The following SANBR variants were observed in gnomAD, a reference collection of about 807,000 sequenced individuals.
SANBR encodes the protein SANT and BTB domain regulator of class switch recombination.
In SANBR, 77 loss-of-function variants were observed where a neutral mutation model predicts 101.8. That is an observed-to-expected ratio of 0.76 (90% CI 0.63 to 0.91). The LOEUF is 0.91. Among genes scored for constraint, SANBR ranks in the 40% least tolerant of loss-of-function variants. The probability of loss-of-function intolerance (pLI) is 0.00; values close to 1 mark genes in which losing one functional copy is unlikely to be tolerated. For synonymous variants in SANBR, 279 were observed against 274.7 expected, an observed-to-expected ratio of 1.02 and a Z score of -0.15; for missense variants, 875 against 853.0, an observed-to-expected ratio of 1.03 and a Z score of -0.32.
At chr2:61,102,699 G>A (rs534659067) in intron 12 of SANBR, among the ~76,000 whole-genome samples, 1 of 151,934 alleles carries the variant, frequency 6.6e-6, no homozygotes, top group East Asian at 1.9e-4. Flanking sequence ...ACCATGCCTG[G>A]CTAAATTTTT....
intron 5 of SANBR, 62 bp from the exon 6 acceptor site, chr2:61,076,858 G>C: frequency 8.6e-7 from 1 of 1,159,618 alleles, no homozygotes; most frequent in Non-Finnish European, 1.3e-6. Flanking sequence ...CTAAATGTCA[G>C]TATTCTTGAC....
In SANBR at chr2:61,122,111, G is replaced by C; in HGVS notation, c.2121-15G>C. The C allele has an allele frequency of 5.2e-6, 8 of 1,549,696 alleles. No individual in the cohort carries two copies. Among genetic ancestry groups the C allele is most frequent in the Non-Finnish European group, 7.0e-6 (8 of 1,145,830 alleles). ...AGAAGCAATTCTGACCTCCTTTTCT[G>C]TTTAAAAAATCTAGGTCTAAAAGTC... On this transcript the variant is annotated splice_polypyrimidine_tract_variant and intron_variant, in intron 21 of 21. Coordinates refer to ENST00000402291, the MANE Select transcript of SANBR (RefSeq NM_001129993.3).
rs556699641 is a variant in SANBR at position 61,086,362 on chromosome 2, T to C, written c.891-1797T>C. On this transcript the variant is annotated intron_variant, in intron 8 of 21. Coordinates refer to ENST00000402291, the MANE Select transcript of SANBR (RefSeq NM_001129993.3). ...AAATTAAATTTATTCCTAAAATAAA[T>C]TAAATAAATAAATTTATTTAATAAA... Among the ~76,000 whole-genome samples, 127 of 151,786 alleles carry C rather than the reference T, an allele frequency of 8.4e-4. No homozygotes were observed. In the South Asian group the frequency reaches 0.016, roughly 19 times the overall value.
chr2:61,136,130 C>T (rs1187960373), intron 21 of SANBR, among the ~76,000 whole-genome samples: 1 of 151,690 alleles, frequency 6.6e-6, no homozygotes, highest in Admixed American at 6.6e-5. Flanking sequence ...CATGGTGAAA[C>T]CTGTCTCTAC....
At chr2:61,127,864 A>C (rs1331224539), downstream of SANBR, among the ~76,000 whole-genome samples, 1 of 152,218 alleles carries the variant, frequency 6.6e-6, no homozygotes, top group African/African-American at 2.4e-5. Context: ...AAAACTTTAT[A>C]CATCCAAGAA....
At chr2:61,115,344 ATATT>A (rs763394131) in intron 16 of SANBR, among the ~76,000 whole-genome samples, 3 of 97,766 alleles carry the variant, frequency 3.1e-5, no homozygotes, top group Non-Finnish European at 6.3e-5. Context: ...ATATATATAT[ATATT>A]TTTTTTTTGA....
intron 2 of SANBR, chr2:61,069,789 C>T (rs1370626436): frequency 6.6e-6 from 1 of 152,312 alleles, no homozygotes; most frequent in East Asian, 1.9e-4. Context: ...GATATCATAA[C>T]CCTCTCCCCA....
chr2:61,091,630 C>T (rs1682766200), intron 10 of SANBR, among the ~76,000 whole-genome samples: 1 of 478 alleles, frequency 2.1e-3, no homozygotes, highest in Non-Finnish European at 3.1e-3. Context: ...TGTGATGACA[C>T]ATAACCTGTA....
downstream of SANBR, among the ~76,000 whole-genome samples, chr2:61,126,282 C>A (rs929255617): frequency 4.6e-5 from 7 of 152,170 alleles, no homozygotes; most frequent in South Asian, 1.5e-3. Context: ...ATCAGCAAGT[C>A]CCATACGTAC....
chr2:61,134,179 A>G, exon 21 of SANBR: 1 of 1,613,318 alleles, frequency 6.2e-7, no homozygotes, highest in Middle Eastern at 1.6e-4. Context: ...GTCTAAGAGC[A>G]ACAGAAAAAG....
intron 20 of SANBR, among the ~76,000 whole-genome samples, chr2:61,130,657 T>C (rs1684659681): frequency 6.6e-6 from 1 of 151,590 alleles, no homozygotes; most frequent in Non-Finnish European, 1.5e-5. Flanking sequence ...TTTTTTTAAG[T>C]TTCACAATCA....
intron 16 of SANBR, among the ~76,000 whole-genome samples, chr2:61,110,061 CAA>C (rs1314946265): frequency 1.4e-4 from 21 of 152,066 alleles, no homozygotes; most frequent in African/African-American, 5.1e-4. Context: ...TTTGAAGACT[CAA>C]GTATTTATAG....
intron 12 of SANBR, among the ~76,000 whole-genome samples, chr2:61,101,003 G>A (rs923009595): frequency 2.0e-5 from 3 of 152,162 alleles, no homozygotes; most frequent in African/African-American, 4.8e-5. Context: ...GGATATTGGC[G>A]TGAATGTTAC....
intron 4 of SANBR, among the ~76,000 whole-genome samples, chr2:61,072,035 T>C (rs1286419565): frequency 6.6e-6 from 1 of 152,058 alleles, no homozygotes; most frequent in Non-Finnish European, 1.5e-5. Flanking sequence ...TCTCCCAGGC[T>C]CAAGAGATCC....
intron 9 of SANBR, 33 bp from the exon 10 acceptor site, chr2:61,088,325 C>A (rs183274866): frequency 1.3e-6 from 2 of 1,568,142 alleles, no homozygotes; most frequent in Non-Finnish European, 1.7e-6. Context: ...CATTCTTCTT[C>A]CTGGATGTTT....
At position 61,116,052 on chromosome 2, in the gene SANBR, A is replaced by G. The variant is rs774072416; in HGVS notation, c.1818A>G (p.Lys606=). 1.9e-6 allele frequency: 3 copies of G among 1,608,716 alleles called. No homozygotes were observed. The highest frequency in any genetic ancestry group is 2.5e-6 in the Non-Finnish European group (3 of 1,177,980). Residue 606 remains lysine, a synonymous_variant, in exon 17 of 22, where the codon AAA becomes AAG. Coordinates refer to ENST00000402291, the MANE Select transcript of SANBR (RefSeq NM_001129993.3). ...TATCTTCACCCTGTGCCCAGAGGAAAGAAAAGGCATTGGAGAAGGTAACTC... is the reference window on the plus strand; with the variant it reads ...TATCTTCACCCTGTGCCCAGAGGAAGGAAAAGGCATTGGAGAAGGTAACTC... ...KQVSSPCAQR[K]EKALEKSASR... is the part of the protein sequence containing the mutation.
Position 61,109,202 on chromosome 2 carries a change from A to T in SANBR, c.1650A>T (p.Gln550His). The T allele has an allele frequency of 6.8e-7, 1 of 1,470,658 alleles. No homozygotes were observed. Among genetic ancestry groups the T allele is most frequent in the Admixed American group, 2.2e-5 (1 of 46,304 alleles). The allele number at this position is 1,470,658 out of a possible 1,614,324, so 91.1% of individuals were successfully genotyped here. Residue 550 changes from glutamine to histidine, a missense_variant, in exon 16 of 22, where the codon CAA (glutamine) becomes CAT (histidine). Physicochemically the swap from Gln to His is conservative, Grantham distance 24. Coordinates refer to ENST00000402291, the MANE Select transcript of SANBR (RefSeq NM_001129993.3). Reference protein sequence around the residue: ...SLKNWTLQLKQQSLFSEEEEY... With the variant: ...SLKNWTLQLKHQSLFSEEEEY... ...TAGATTTTTTTTTAACTTAGAAACA[A>T]CAGTCACTGTTTTCAGAAGAAGAAG...
At chr2:61,134,424 G>A (rs1447525857) in intron 21 of SANBR, 17 of 750,004 alleles carry the variant, frequency 2.3e-5, no homozygotes, top group Non-Finnish European at 3.6e-5. Flanking sequence ...TATTGAAATT[G>A]TTCCCTTGTT....
intron 10 of SANBR, chr2:61,090,301 G>T (rs1024574799): frequency 6.6e-6 from 1 of 151,910 alleles, no homozygotes; most frequent in Non-Finnish European, 1.5e-5. Flanking sequence ...CAAATTTATA[G>T]CACACACTGT....
Sources: allele counts gnomAD v4.1 joint callset (sites outside exome capture counted in the v4.1 genomes callset), GRCh38; gene constraint gnomAD v4.1.1; transcripts MANE v1.5; gene names NCBI Gene and HGNC (gene_info 2026-07-23, HGNC 2026-07-21).